NFIL3: variants seen among roughly 807,000 people sequenced by gnomAD.
NFIL3 encodes the protein nuclear factor interleukin-3-regulated protein.
In NFIL3, 5 loss-of-function variants were observed where a neutral mutation model predicts 10.0. The observed-to-expected ratio is 0.50, with a 90% CI of 0.26 to 1.06. The LOEUF is 1.06. Ranked by LOEUF, NFIL3 falls within the 50% of genes least tolerant of loss-of-function variation. The pLI is 0.13. For synonymous variants in NFIL3, 202 were observed against 206.5 expected, an observed-to-expected ratio of 0.98 and a Z score of 0.19; for missense variants, 436 against 547.6, an observed-to-expected ratio of 0.80 and a Z score of 2.03.
At chr9:91,436,498 A>G in the NFIL3 span, among the ~76,000 whole-genome samples, 1 of 152,016 alleles carries the variant, frequency 6.6e-6, no homozygotes, top group Non-Finnish European at 1.5e-5. Flanking sequence ...GAATGGCGTG[A>G]ATCCGGGTGG....
chr9:91,456,106 C>T, the NFIL3 span, among the ~76,000 whole-genome samples: 1 of 152,144 alleles, frequency 6.6e-6, no homozygotes, highest in Non-Finnish European at 1.5e-5. Context: ...ATATATCAAT[C>T]GTTTATTCCT....
In NFIL3 at chr9:91,410,892, G is replaced by T; in HGVS notation, c.-158C>A. ...TCAGGCTCCTTATTGAATGAAGTTG[G>T]GCCTCCTTCGTTATCTGCAATACAT... On this transcript the variant is annotated 5_prime_UTR_variant, in exon 2 of 2. Transcript: ENST00000297689. This position sits in a 1 kb window ranked among gnomAD's most constrained non-coding sequence, Gnocchi z 5.7. The T allele has an allele frequency of 4.5e-6, 3 of 668,828 alleles. No individual in the cohort carries two copies. The highest frequency in any genetic ancestry group is 4.8e-6 in the Non-Finnish European group (2 of 415,640). 41.4% of individuals were successfully genotyped at this position (668,828 alleles called of 1,614,324 possible).
intron 1 of NFIL3, among the ~76,000 whole-genome samples, chr9:91,417,383 C>T (rs1833676691): frequency 6.6e-6 from 1 of 152,128 alleles, no homozygotes; most frequent in Admixed American, 6.6e-5. Flanking sequence ...AGATAAATGT[C>T]ATTTTCATGA....
At chr9:91,481,285 G>A in the NFIL3 span, among the ~76,000 whole-genome samples, 53,763 of 151,940 alleles carry the variant, frequency 0.35, 12,319 homozygotes, top group African/African-American at 0.65. Context: ...GAAAACACAC[G>A]TAATTTCACT....
the NFIL3 span, among the ~76,000 whole-genome samples, chr9:91,472,756 G>A: frequency 6.6e-6 from 1 of 152,158 alleles, no homozygotes; most frequent in Non-Finnish European, 1.5e-5. Context: ...CTGATGAGGA[G>A]CTATGATCCT....
Position 91,410,044 on chromosome 9 carries a change from C to T in NFIL3, c.691G>A (p.Glu231Lys). ...EPMELESYTR[E>K]PRDDRGSYTA... ...TAAGAGCCTCGGTCATCTCTTGGCTCCCTTGTGTAGCTCTCTAATTCCATC... is the reference window on the plus strand; with the variant it reads ...TAAGAGCCTCGGTCATCTCTTGGCTTCCTTGTGTAGCTCTCTAATTCCATC... The change falls in exon 2 of 2, where the codon GAG (glutamate) becomes AAG (lysine). Residue 231 changes from glutamate (E) to lysine (K), a missense_variant. Glu to Lys is a moderately conservative substitution (Grantham distance 56). This residue lies in a region of NFIL3 where 338 missense variants were observed against 399.9 expected (regional missense o/e 0.85). Transcript: ENST00000297689. The surrounding 1 kb of genome is among the most constrained non-coding windows in gnomAD (Gnocchi z 5.7). 9 of 1,612,708 alleles carry T rather than the reference C, an allele frequency of 5.6e-6. No homozygotes were observed. Among genetic ancestry groups the T allele is most frequent in the Non-Finnish European group, 7.6e-6 (9 of 1,179,984 alleles).
Position 91,409,162 on chromosome 9 carries a change from G to T in NFIL3, c.*184C>A. On this transcript the variant is annotated 3_prime_UTR_variant, in exon 2 of 2. Coordinates refer to ENST00000297689, the MANE Select transcript of NFIL3 (RefSeq NM_005384.3). The stretch of plus-strand genomic sequence containing the variant: ...GCATGGACTATCTGACTATACACAG[G>T]CAGAGTGATAACACAATCTAATCTT... The T allele has an allele frequency of 1.7e-6, 1 of 580,638 alleles. No individual in the cohort carries two copies. Among genetic ancestry groups the T allele is most frequent in the Non-Finnish European group, 2.9e-6 (1 of 339,618 alleles). The allele number at this position is 580,638 out of a possible 1,614,324, so 36.0% of individuals were successfully genotyped here.
chr9:91,462,700 T>C, the NFIL3 span, among the ~76,000 whole-genome samples: 1 of 151,966 alleles, frequency 6.6e-6, no homozygotes, highest in Non-Finnish European at 1.5e-5. Flanking sequence ...AAGATAATGC[T>C]GGCCTCATTG....
At chr9:91,467,836 T>C in the NFIL3 span, among the ~76,000 whole-genome samples, 5 of 152,198 alleles carry the variant, frequency 3.3e-5, no homozygotes, top group African/African-American at 1.2e-4. Context: ...GGTTTCCAGC[T>C]TCATCCATGT....
At chr9:91,411,028 T>A in intron 1 of NFIL3, 122 bp from the exon 2 acceptor site, 2 of 424,866 alleles carry the variant, frequency 4.7e-6, no homozygotes, top group Non-Finnish European at 8.6e-6. Context: ...ATGGCCACAG[T>A]TCTTTCTTTC....
chr9:91,426,843 T>TG (rs1833878025), upstream of NFIL3: 1 of 152,338 alleles, frequency 6.6e-6, no homozygotes, highest in Admixed American at 6.5e-5. Flanking sequence ...CAGAATGTCT[T>TG]GAGCTGGAAC....
chr9:91,425,336 T>C (rs759229695), upstream of NFIL3, among the ~76,000 whole-genome samples: 2 of 152,234 alleles, frequency 1.3e-5, no homozygotes. Flanking sequence ...TCTTGCACAG[T>C]TAATATCATA....
chr9:91,473,586 T>C, the NFIL3 span, among the ~76,000 whole-genome samples: 3 of 152,156 alleles, frequency 2.0e-5, no homozygotes, highest in Admixed American at 1.3e-4. Flanking sequence ...AGGGCGGGAG[T>C]GTCCCAGTTT....
chr9:91,467,206 AC>A, the NFIL3 span, among the ~76,000 whole-genome samples: 1 of 151,888 alleles, frequency 6.6e-6, no homozygotes, highest in Non-Finnish European at 1.5e-5. Flanking sequence ...TGTATATACA[AC>A]TTAAATGTGT....
chr9:91,454,159 G>A, the NFIL3 span, among the ~76,000 whole-genome samples: 89 of 151,252 alleles, frequency 5.9e-4, no homozygotes, highest in African/African-American at 1.4e-3. Flanking sequence ...GCTTGAACCC[G>A]GGAAGTGGAG....
At chr9:91,432,620 T>C in the NFIL3 span, among the ~76,000 whole-genome samples, 1 of 152,166 alleles carries the variant, frequency 6.6e-6, no homozygotes, top group Non-Finnish European at 1.5e-5. Context: ...TGAAAACTGT[T>C]GCTGACACAT....
At chr9:91,419,726 T>G (rs1833722384) in intron 1 of NFIL3, among the ~76,000 whole-genome samples, 1 of 152,262 alleles carries the variant, frequency 6.6e-6, no homozygotes, top group Non-Finnish European at 1.5e-5. Context: ...ATACTAACTC[T>G]TTATCTCTTT....
chr9:91,435,165 T>TAGTGGAAG, the NFIL3 span, among the ~76,000 whole-genome samples: 2 of 152,200 alleles, frequency 1.3e-5, no homozygotes, highest in Non-Finnish European at 2.9e-5. Context: ...CTATGTCAAG[T>TAGTGGAAG]AGTGGAAGCA....
At chr9:91,443,918 CTT>C in the NFIL3 span, among the ~76,000 whole-genome samples, 3 of 152,182 alleles carry the variant, frequency 2.0e-5, no homozygotes, top group Non-Finnish European at 2.9e-5. Flanking sequence ...GAGAGGACCT[CTT>C]TGGTTCTGTT....
Sources: gnomAD v4.1 joint callset for allele counts (sites outside exome capture counted in the v4.1 genomes callset) on GRCh38, gnomAD v4.1.1 for gene constraint, gnomAD v4.1.1 regional missense constraint, Gnocchi (gnomAD v3.1) non-coding constraint, MANE v1.5 for transcripts, NCBI Gene and HGNC (gene_info 2026-07-23, HGNC 2026-07-21) for gene names.